Variants in GDPD1 observed in about 807,000 individuals in gnomAD.
The protein encoded by GDPD1 is lysophospholipase D GDPD1.
In GDPD1, 28 loss-of-function variants were observed where a neutral mutation model predicts 45.1. That is an observed-to-expected ratio of 0.62 (90% CI 0.46 to 0.85). The LOEUF is 0.85. GDPD1 is among the 40% of genes least tolerant of loss of function. GDPD1 has a pLI of 0.00. For synonymous variants in GDPD1, 139 were observed against 131.4 expected (o/e 1.06, Z -0.40); for missense variants, 256 against 364.8 (o/e 0.70, Z 2.43).
chr17:59,270,914 T>C, intron 7 of GDPD1, 22 bp from the exon 8 acceptor site: 1 of 1,526,060 alleles, frequency 6.6e-7, no homozygotes, highest in Non-Finnish European at 9.0e-7. Flanking sequence ...TAATTTGTAA[T>C]TCAAACTTTA....
intron 4 of GDPD1, among the ~76,000 whole-genome samples, chr17:59,254,710 G>T (rs1245544307): frequency 6.6e-6 from 1 of 152,148 alleles, no homozygotes; most frequent in Admixed American, 6.6e-5. Context: ...AAGTCCAGGG[G>T]TTATATGCCC....
intron 2 of GDPD1, among the ~76,000 whole-genome samples, chr17:59,243,465 T>TGAGC (rs2047189194): frequency 6.6e-6 from 1 of 151,716 alleles, no homozygotes; most frequent in African/African-American, 2.4e-5. Context: ...GACTGTGCCG[T>TGAGC]TGCATTCCAG....
At chr17:59,270,903 C>T (rs766367484) in intron 7 of GDPD1, 33 bp from the exon 8 acceptor site, 4 of 1,411,012 alleles carry the variant, frequency 2.8e-6, no homozygotes, top group Non-Finnish European at 4.0e-6. Flanking sequence ...TTCTGTGTTT[C>T]TAATTTGTAA....
chr17:59,267,205 A>G (rs2047405765), intron 7 of GDPD1, 31 bp downstream of exon 7: 3 of 1,567,194 alleles, frequency 1.9e-6, no homozygotes, highest in Non-Finnish European at 2.6e-6. Context: ...TTTAAAATCA[A>G]TTATCAATTA....
chr17:59,240,607 T>G (rs2047168768), intron 2 of GDPD1, among the ~76,000 whole-genome samples: 1 of 152,014 alleles, frequency 6.6e-6, no homozygotes, highest in African/African-American at 2.4e-5. Flanking sequence ...TCACTAGAAC[T>G]ACAGGGATGT....
At chr17:59,239,533 G>A (rs534351203) in intron 2 of GDPD1, among the ~76,000 whole-genome samples, 2 of 151,920 alleles carry the variant, frequency 1.3e-5, no homozygotes, top group South Asian at 4.1e-4. Context: ...TTCTCACTGT[G>A]TTCTAGCTAT....
chr17:59,255,843 A>ACACG lies in GDPD1; in HGVS notation c.368-1279_368-1278insCACG, dbSNP rs1367409060. ...TATATATATACGCGTATATATATAT[A>ACACG]TATATATACACACGTATATATATAT... On this transcript the variant is annotated intron_variant, in intron 4 of 9. Transcript: ENST00000284116. Among the ~76,000 whole-genome samples the ACACG allele has an allele frequency of 2.9e-4, 27 of 94,080 alleles. 2 individuals carry two copies. The highest frequency in any genetic ancestry group is 1.7e-3 in the African/African-American group (26 of 15,528). The allele number at this position is 94,080 out of a possible 152,430, so 61.7% of individuals were successfully genotyped here.
At position 59,243,539 on chromosome 17, in the gene GDPD1, G is replaced by A. The variant is rs913473465; in HGVS notation, c.186-1875G>A. Among the ~76,000 whole-genome samples, 5 of 151,966 alleles carry A rather than the reference G, an allele frequency of 3.3e-5. 1 individual carries two copies. The South Asian group carries it at 1.0e-3, about 32-fold the overall frequency. ...AAAAAAAAAAAAAAGTGAGCGAACT[G>A]GGGCAGTTCTCCCTCTGGGTTGCAG... On this transcript the variant is annotated intron_variant, in intron 2 of 9. Transcript: ENST00000284116.
chr17:59,238,920 A>G (rs1450080094), intron 2 of GDPD1, among the ~76,000 whole-genome samples: 1 of 152,150 alleles, frequency 6.6e-6, no homozygotes, highest in Non-Finnish European at 1.5e-5. Flanking sequence ...AGCAAAAACT[A>G]AGGAATTGTA....
intron 6 of GDPD1, among the ~76,000 whole-genome samples, chr17:59,265,143 GAACT>G (rs1183938455): frequency 2.2e-4 from 33 of 152,040 alleles, no homozygotes; most frequent in East Asian, 1.9e-3. Flanking sequence ...GCCCAGCCTA[GAACT>G]AACTATTTAA....
intron 5 of GDPD1, 104 bp downstream of exon 5, chr17:59,257,344 G>A: frequency 1.5e-6 from 1 of 651,680 alleles, no homozygotes; most frequent in Non-Finnish European, 2.7e-6. Context: ...AAGGAAATGT[G>A]ATACCCTAGG....
chr17:59,243,173 A>C (rs2047186984), intron 2 of GDPD1, among the ~76,000 whole-genome samples: 1 of 151,938 alleles, frequency 6.6e-6, no homozygotes, highest in African/African-American at 2.4e-5. Flanking sequence ...TGGGTGACAG[A>C]GTGAGACTCT....
At chr17:59,254,868 C>T (rs2047284299) in intron 4 of GDPD1, among the ~76,000 whole-genome samples, 1 of 152,046 alleles carries the variant, frequency 6.6e-6, no homozygotes, top group Non-Finnish European at 1.5e-5. Flanking sequence ...ATGATCCGTT[C>T]AGCAAAGGAT....
chr17:59,270,906 A>G, intron 7 of GDPD1, 30 bp from the exon 8 acceptor site: 1 of 1,444,028 alleles, frequency 6.9e-7, no homozygotes, highest in Non-Finnish European at 9.6e-7. Context: ...TGTGTTTCTA[A>G]TTTGTAATTC....
chr17:59,238,268 C>CAAA (rs373144110), intron 2 of GDPD1, among the ~76,000 whole-genome samples: 2 of 80,142 alleles, frequency 2.5e-5, no homozygotes, highest in African/African-American at 8.7e-5. Flanking sequence ...AACTCCATCT[C>CAAA]AAAAAAAAAA....
At chr17:59,231,467 C>G (rs1230239142) in intron 1 of GDPD1, among the ~76,000 whole-genome samples, 2 of 151,512 alleles carry the variant, frequency 1.3e-5, no homozygotes, top group African/African-American at 4.8e-5. Context: ...GCTGGGACTA[C>G]AGGCACCCAC....
intron 6 of GDPD1, among the ~76,000 whole-genome samples, chr17:59,266,740 G>C (rs2047402002): frequency 6.6e-6 from 1 of 152,084 alleles, no homozygotes; most frequent in African/African-American, 2.4e-5. Context: ...ATTCTGACAT[G>C]TTTAGTCTTT....
intron 8 of GDPD1, among the ~76,000 whole-genome samples, chr17:59,271,316 G>C (rs2047442335): frequency 1.3e-5 from 2 of 152,114 alleles, no homozygotes; most frequent in Admixed American, 6.6e-5. Context: ...TAGCTTACTT[G>C]CTGGTGAAAA....
In GDPD1 at chr17:59,265,138, G is replaced by GC. The variant is rs576192789; in HGVS notation, c.577-1901dup. ...TTACAGGCGTGAGCAACCGCGCCCA[G>GC]CCTAGAACTAACTATTTAAAATAAA... On this transcript the variant is annotated intron_variant, in intron 6 of 9. Coordinates refer to ENST00000284116, the MANE Select transcript of GDPD1 (RefSeq NM_182569.4). Among the ~76,000 whole-genome samples, 301 of 152,160 alleles carry GC rather than the reference G, an allele frequency of 2.0e-3. 2 individuals carry two copies. Among genetic ancestry groups the GC allele is most frequent in the African/African-American group, 6.9e-3 (288 of 41,516 alleles).
Sources: allele counts gnomAD v4.1 joint callset (sites outside exome capture counted in the v4.1 genomes callset), GRCh38; gene constraint gnomAD v4.1.1; transcripts MANE v1.5; gene names NCBI Gene and HGNC (gene_info 2026-07-23, HGNC 2026-07-21).